The following TPD52L3 variants were observed in gnomAD, a reference collection of about 807,000 sequenced individuals.
TPD52L3 encodes the protein tumor protein D55.
Under a neutral mutation model 8.7 loss-of-function variants are expected in TPD52L3, and 12 were observed. The ratio of observed to expected loss-of-function variants is 1.38; its 90% CI spans 0.89 to 2.24. The LOEUF (loss-of-function observed/expected upper bound fraction) is 2.24, where lower values mean the gene tolerates loss of function less well. Among genes scored for constraint, TPD52L3 ranks in the 30% most tolerant of loss-of-function variants. TPD52L3 has a pLI of 0.00. For synonymous variants in TPD52L3, 79 were observed against 66.8 expected, an observed-to-expected ratio of 1.18 and a Z score of -0.89; for missense variants, 207 against 158.7, an observed-to-expected ratio of 1.30 and a Z score of -1.64.
rs138957663 is a variant in TPD52L3 at position 6,329,362 on chromosome 9, G to C, written c.367+400G>C. 242 of 1,084,180 alleles carry C rather than the reference G, an allele frequency of 2.2e-4. 5 individuals carry two copies. The East Asian group carries it at 0.016, about 71-fold the overall frequency. The allele number at this position is 1,084,180 out of a possible 1,614,324, so 67.2% of individuals were successfully genotyped here. On this transcript the variant is annotated intron_variant, in intron 1 of 1. Coordinates refer to ENST00000314556, the MANE Select transcript of TPD52L3 (RefSeq NM_001001874.3). ...TTTAAGATAGAGAACCCAAAGTTTT[G>C]TACCTGGTTATTTTTCACTTAAGTT...
chr9:6,328,487 A>G lies in TPD52L3; in HGVS notation c.-109A>G, dbSNP rs1421832239. 43 of 1,365,074 alleles carry G rather than the reference A, an allele frequency of 3.2e-5. No individual in the cohort carries two copies. The highest frequency in any genetic ancestry group is 4.1e-5 in the Non-Finnish European group (41 of 1,005,604). The allele number at this position is 1,365,074 out of a possible 1,614,324, so 84.6% of individuals were successfully genotyped here. A position where few individuals can be genotyped will look rare whatever the true frequency, so the allele number is the denominator to read the frequency against. ...GCCAAGAGTCTGAGCCTGCAGGCCT[A>G]GATTTCGACTCTGCTGGCCAAGATT... On this transcript the variant is annotated 5_prime_UTR_variant, in exon 1 of 2. Coordinates refer to ENST00000314556, the MANE Select transcript of TPD52L3 (RefSeq NM_001001874.3).
intron 1 of TPD52L3, chr9:6,329,402 G>C: frequency 9.4e-7 from 1 of 1,063,864 alleles, no homozygotes; most frequent in Non-Finnish European, 1.1e-6. Flanking sequence ...GACGAAATGT[G>C]CCATTATATT....
In TPD52L3 at chr9:6,328,770, G is replaced by A; in HGVS notation, c.175G>A (p.Glu59Lys). ...AGCAGCCAAAGAGAGACGCTGTGGG[G>A]AACTCAAGAGGAAGTTAGGCCTCAC... ...VLAAKERRCG[E>K]LKRKLGLTAL... Residue 59 changes from glutamate (E) to lysine (K), a missense_variant, in exon 1 of 2, where the codon GAA (glutamate) becomes AAA (lysine). By Grantham distance (56) the Glu-to-Lys change is moderately conservative. Coordinates refer to ENST00000314556, the MANE Select transcript of TPD52L3 (RefSeq NM_001001874.3). The A allele has an allele frequency of 6.2e-7, 1 of 1,614,168 alleles. No individual in the cohort carries two copies. Among genetic ancestry groups the A allele is most frequent in the South Asian group, 1.1e-5 (1 of 91,084 alleles).
chr9:6,329,344 T>C (rs1304543084), intron 1 of TPD52L3: 2 of 1,116,182 alleles, frequency 1.8e-6, no homozygotes, highest in Admixed American at 4.6e-5. Flanking sequence ...GCTTTTAAGA[T>C]AGAGAACCCA....
In TPD52L3 at chr9:6,330,953, T is replaced by C. The variant is rs375231574; in HGVS notation, c.368-23T>C. On this transcript the variant is annotated intron_variant, in intron 1 of 1. Coordinates refer to ENST00000314556, the MANE Select transcript of TPD52L3 (RefSeq NM_001001874.3). ...AGTACATATTTATTTTTGCTGATCA[T>C]TGTTTTCCCATTTCTGGCTTAGGAT... is the stretch of plus-strand genomic sequence containing the variant. 1.2e-5 allele frequency: 19 copies of C among 1,611,364 alleles called. No homozygotes were observed. The South Asian group carries it at 1.4e-4, about 12-fold the overall frequency.
At position 6,328,835 on chromosome 9, in the gene TPD52L3, G is replaced by C; in HGVS notation, c.240G>C (p.Trp80Cys). Residue 80 changes from tryptophan (W) to cysteine (C), a missense_variant, in exon 1 of 2, where the codon TGG becomes TGC. By Grantham distance (215) the Trp-to-Cys change is radical. Transcript: ENST00000314556. ...VGLRQNLSKS[W>C]LDVQVSNTYV... ...TGAGACAGAATCTGTCCAAGAGCTG[G>C]CTTGATGTTCAGGTCTCCAACACCT... 1 of 1,614,182 alleles carries C rather than the reference G, an allele frequency of 6.2e-7. No individual in the cohort carries two copies. Among genetic ancestry groups the C allele is most frequent in the Non-Finnish European group, 8.5e-7 (1 of 1,180,032 alleles).
chr9:6,330,959 T>A lies in TPD52L3; in HGVS notation c.368-17T>A. ...TATTTATTTTTGCTGATCATTGTTT[T>A]CCCATTTCTGGCTTAGGATTGATCT... On this transcript the variant is annotated splice_polypyrimidine_tract_variant and intron_variant, in intron 1 of 1. Coordinates refer to ENST00000314556, the MANE Select transcript of TPD52L3 (RefSeq NM_001001874.3). The A allele has an allele frequency of 6.2e-7, 1 of 1,611,922 alleles. No homozygotes were observed. Among genetic ancestry groups the A allele is most frequent in the South Asian group, 1.1e-5 (1 of 90,280 alleles).
chr9:6,330,449 C>T, intron 1 of TPD52L3: 6 of 1,324,338 alleles, frequency 4.5e-6, no homozygotes, highest in Non-Finnish European at 5.8e-6. Flanking sequence ...TCTCTCACTG[C>T]CTAAAATGGT....
Position 6,328,501 on chromosome 9 carries a change from C to T in TPD52L3, c.-95C>T, listed in dbSNP as rs987565381. On this transcript the variant is annotated 5_prime_UTR_variant, in exon 1 of 2. Transcript: ENST00000314556. ...CCTGCAGGCCTAGATTTCGACTCTG[C>T]TGGCCAAGATTATTTCTCTGCAGCC... 6.8e-7 allele frequency: 1 copy of T among 1,467,062 alleles called. No individual in the cohort carries two copies. The highest frequency in any genetic ancestry group is 2.1e-5 in the Admixed American group (1 of 48,476). 90.9% of individuals were successfully genotyped at this position (1,467,062 alleles called of 1,614,324 possible).
chr9:6,328,899 G>T lies in TPD52L3; in HGVS notation c.304G>T (p.Gly102Cys). The T allele has an allele frequency of 6.2e-7, 1 of 1,614,154 alleles. No individual in the cohort carries two copies. Among genetic ancestry groups the T allele is most frequent in the Non-Finnish European group, 8.5e-7 (1 of 1,180,020 alleles). Residue 102 changes from glycine (G) to cysteine (C), a missense_variant, in exon 1 of 2, where the codon GGC becomes TGC. Gly to Cys is a radical substitution (Grantham distance 159). Coordinates refer to ENST00000314556, the MANE Select transcript of TPD52L3 (RefSeq NM_001001874.3). ...GACATCAGCTGCTCTGTCCACCATG[G>T]GCACTCTCATCTGCAGGAAGCTTGG... is the stretch of plus-strand genomic sequence containing the variant. Reference protein sequence around the residue: ...QKTSAALSTMGTLICRKLGGV... With the variant: ...QKTSAALSTMCTLICRKLGGV...
In TPD52L3 at chr9:6,328,574, C is replaced by T. The variant is rs772134565; in HGVS notation, c.-22C>T. 2.5e-6 allele frequency: 4 copies of T among 1,607,220 alleles called. No homozygotes were observed. In the South Asian group the frequency reaches 3.3e-5, roughly 13 times the overall value. ...AAGAATTGGACCTGGACTCTCTTAA[C>T]GAAGATCTTCTTTCCCAGTCCATGC... On this transcript the variant is annotated 5_prime_UTR_variant, in exon 1 of 2. The change creates a new upstream start codon in the 5' untranslated region. Coordinates refer to ENST00000314556, the MANE Select transcript of TPD52L3 (RefSeq NM_001001874.3).
chr9:6,330,813 G>A (rs1246561829), intron 1 of TPD52L3, 163 bp from the exon 2 acceptor site: 7 of 1,398,320 alleles, frequency 5.0e-6, no homozygotes, highest in Non-Finnish European at 4.7e-6. Context: ...TTGTGTTAGG[G>A]ACAATCTCAG....
chr9:6,330,558 T>C, intron 1 of TPD52L3: 1 of 1,183,840 alleles, frequency 8.4e-7, no homozygotes, highest in Non-Finnish European at 1.1e-6. Flanking sequence ...AATACCACTA[T>C]AAATACAAAA....
chr9:6,330,773 G>C (rs949095487), intron 1 of TPD52L3: 1 of 1,336,112 alleles, frequency 7.5e-7, no homozygotes, highest in Non-Finnish European at 9.6e-7. Context: ...TAGTCCAACA[G>C]GCAAAGGCTT....
Position 6,331,494 on chromosome 9 carries a change from A to T in TPD52L3, c.*475A>T, listed in dbSNP as rs1202135257. ...AGAGAGGAAGGGGAAATGGTGTTAC[A>T]TGAGTGAGGGAGGGGAAATGGTGTT... On this transcript the variant is annotated 3_prime_UTR_variant, in exon 2 of 2. Transcript: ENST00000314556. 1 of 152,740 alleles carries T rather than the reference A, an allele frequency of 6.5e-6. No individual in the cohort carries two copies. Among genetic ancestry groups the T allele is most frequent in the Non-Finnish European group, 1.5e-5 (1 of 68,462 alleles). The allele number at this position is 152,740 out of a possible 1,614,324, so 9.5% of individuals were successfully genotyped here. A position where few individuals can be genotyped will look rare whatever the true frequency, so the allele number is the denominator to read the frequency against.
At chr9:6,330,513 C>T (rs1818131839) in intron 1 of TPD52L3, 1 of 1,237,426 alleles carries the variant, frequency 8.1e-7, no homozygotes, top group Non-Finnish European at 1.0e-6. Flanking sequence ...GAATGCTCCC[C>T]CAACATTCCT....
At chr9:6,329,151 T>C (rs974274723) in intron 1 of TPD52L3, 189 bp downstream of exon 1, 4 of 1,471,758 alleles carry the variant, frequency 2.7e-6, no homozygotes, top group East Asian at 4.8e-5. Context: ...ATCTCCACTT[T>C]CTGGAACCAG....
In TPD52L3 at chr9:6,328,494, G is replaced by A. The variant is rs1409389553; in HGVS notation, c.-102G>A. The A allele has an allele frequency of 9.8e-6, 14 of 1,430,456 alleles. No individual in the cohort carries two copies. Among genetic ancestry groups the A allele is most frequent in the Admixed American group, 2.1e-5 (1 of 46,856 alleles). 88.6% of individuals were successfully genotyped at this position (1,430,456 alleles called of 1,614,324 possible). Reference sequence around the variant, plus strand: ...GTCTGAGCCTGCAGGCCTAGATTTCGACTCTGCTGGCCAAGATTATTTCTC... The same window carrying A: ...GTCTGAGCCTGCAGGCCTAGATTTCAACTCTGCTGGCCAAGATTATTTCTC... On this transcript the variant is annotated 5_prime_UTR_variant, in exon 1 of 2. Transcript: ENST00000314556.
intron 1 of TPD52L3, chr9:6,330,298 T>C (rs776107754): frequency 6.8e-5 from 107 of 1,578,178 alleles, no homozygotes; most frequent in Non-Finnish European, 9.2e-5. Context: ...AATATACTTT[T>C]TGTTTGTTTT....
Sources: gnomAD v4.1 joint callset for allele counts on GRCh38, gnomAD v4.1.1 for gene constraint, MANE v1.5 for transcripts, NCBI Gene and HGNC (gene_info 2026-07-23, HGNC 2026-07-21) for gene names.